MTBP: variants seen among roughly 807,000 people sequenced by gnomAD.
MTBP encodes MDM2 binding protein, also known as mdm2-binding protein.
MTBP carries 101 observed loss-of-function variants against 117.0 expected under a neutral mutation model. The ratio of observed to expected loss-of-function variants is 0.86; its 90% confidence interval spans 0.73 to 1.02. The LOEUF (loss-of-function observed/expected upper bound fraction) is 1.02, where lower values mean the gene tolerates loss of function less well. Ranked by LOEUF, MTBP falls within the 50% of genes least tolerant of loss-of-function variation. The pLI, the probability that MTBP is intolerant of heterozygous loss-of-function variation, is 0.00. For missense variants in MTBP, 970 were observed against 1,030.9 expected (o/e 0.94, Z 0.81); for synonymous variants, 350 against 351.5 (o/e 1.00, Z 0.05).
chr8:120,478,862 G>T (rs1814006045), intron 11 of MTBP, among the ~76,000 whole-genome samples: 1 of 152,064 alleles, frequency 6.6e-6, no homozygotes, highest in Non-Finnish European at 1.5e-5. Context: ...GGAATACTAT[G>T]CAGCCATAAA....
chr8:120,491,310 G>T (rs1466647108), intron 13 of MTBP, among the ~76,000 whole-genome samples: 1 of 151,906 alleles, frequency 6.6e-6, no homozygotes, highest in Non-Finnish European at 1.5e-5. Context: ...CTTTAAAAAC[G>T]TATTTAAAAA....
chr8:120,515,929 T>C lies in MTBP; in HGVS notation c.1984T>C (p.Cys662Arg). 2.5e-6 allele frequency: 4 copies of C among 1,611,884 alleles called. No individual in the cohort carries two copies. Among genetic ancestry groups the C allele is most frequent in the Non-Finnish European group, 3.4e-6 (4 of 1,178,686 alleles). Residue 662 changes from cysteine to arginine, a missense_variant, in exon 18 of 22, where the codon TGC (cysteine) becomes CGC (arginine). Transcript: ENST00000305949. Reference protein sequence around the residue: ...SVCHYHGIEYCLDDRKALERD... With the variant: ...SVCHYHGIEYRLDDRKALERD... ...ATGCTCTTTCACTCATTTTAGATAT[T>C]GCTTGGATGACCGAAAAGCTTTGGA...
At chr8:120,475,715 C>CA (rs944673437) in intron 11 of MTBP, among the ~76,000 whole-genome samples, 87 of 151,642 alleles carry the variant, frequency 5.7e-4, no homozygotes, top group Admixed American at 1.6e-3. Context: ...AAGCACTGTA[C>CA]AAAAAAATGA....
At chr8:120,466,197 A>G (rs1454836190) in intron 10 of MTBP, among the ~76,000 whole-genome samples, 1 of 140,866 alleles carries the variant, frequency 7.1e-6, no homozygotes, top group Non-Finnish European at 1.5e-5. Context: ...TTGAGTTATG[A>G]TTTGTTTTTT....
At chr8:120,476,433 GGGT>G (rs200677291) in intron 11 of MTBP, among the ~76,000 whole-genome samples, 10,758 of 152,048 alleles carry the variant, frequency 0.071, 542 homozygotes, top group Non-Finnish European at 0.11. Context: ...AAGAAATAAA[GGGT>G]ATTCAGATAG....
intron 15 of MTBP, 139 bp from the exon 16 acceptor site, chr8:120,506,567 T>TTC (rs1363766649): frequency 7.4e-6 from 4 of 539,918 alleles, no homozygotes; most frequent in Non-Finnish European, 1.3e-5. Context: ...AAATGTTTAA[T>TTC]TCTCCCATGT....
chr8:120,518,487 C>G (rs1814958907), intron 19 of MTBP, among the ~76,000 whole-genome samples: 1 of 151,954 alleles, frequency 6.6e-6, no homozygotes, highest in Non-Finnish European at 1.5e-5. Context: ...TTTCTTAAGA[C>G]ACTGTAGTCA....
chr8:120,493,008 A>G (rs912611922), intron 13 of MTBP, among the ~76,000 whole-genome samples: 3 of 152,338 alleles, frequency 2.0e-5, no homozygotes, highest in Middle Eastern at 3.4e-3. Context: ...CAAGATAAGT[A>G]TGAAAACAGC....
At chr8:120,508,384 A>C (rs1814735426) in intron 16 of MTBP, among the ~76,000 whole-genome samples, 1 of 152,198 alleles carries the variant, frequency 6.6e-6, no homozygotes, top group Non-Finnish European at 1.5e-5. Context: ...TGATATGAGA[A>C]ATGAGAGACA....
intron 17 of MTBP, among the ~76,000 whole-genome samples, chr8:120,512,181 T>C (rs1435505498): frequency 1.3e-5 from 2 of 152,176 alleles, no homozygotes; most frequent in Admixed American, 6.5e-5. Context: ...ATTATTATTA[T>C]GAAAAGTAGC....
chr8:120,501,238 T>C (rs944280363), intron 14 of MTBP, among the ~76,000 whole-genome samples: 30 of 147,268 alleles, frequency 2.0e-4, no homozygotes, highest in Non-Finnish European at 1.8e-4. Flanking sequence ...GGCGGGCACC[T>C]GTAGTCCCAG....
At chr8:120,464,914 G>C (rs956194091) in intron 10 of MTBP, among the ~76,000 whole-genome samples, 2 of 151,802 alleles carry the variant, frequency 1.3e-5, no homozygotes, top group Non-Finnish European at 2.9e-5. Flanking sequence ...TGTATTTGTG[G>C]AACTTACATT....
Position 120,451,083 on chromosome 8 carries a change from T to G in MTBP, c.273+7T>G, listed in dbSNP as rs577547817. 3.8e-5 allele frequency: 61 copies of G among 1,605,358 alleles called. No individual in the cohort carries two copies. The African/African-American group carries it at 7.2e-4, about 19-fold the overall frequency. On this transcript the variant is annotated splice_region_variant and intron_variant, in intron 3 of 21. Coordinates refer to ENST00000305949, the MANE Select transcript of MTBP (RefSeq NM_022045.5). ...AATATATGGATTTTATCAGGTAATA[T>G]AAATTTAAAGATAGCTACTAATGAA... is the stretch of plus-strand genomic sequence containing the variant.
chr8:120,523,235 T>A (rs925159704), intron 21 of MTBP, 63 bp from the exon 22 acceptor site: 2 of 1,104,302 alleles, frequency 1.8e-6, no homozygotes, highest in African/African-American at 3.2e-5. Flanking sequence ...TTTTACAATA[T>A]ATTTTTCTAT....
intron 20 of MTBP, among the ~76,000 whole-genome samples, chr8:120,519,273 T>C (rs1384431504): frequency 1.3e-5 from 2 of 151,654 alleles, no homozygotes; most frequent in Admixed American, 1.3e-4. Flanking sequence ...TATATGCAAA[T>C]ACTACACCAT....
chr8:120,456,704 C>T, intron 7 of MTBP, 34 bp downstream of exon 7: 1 of 1,079,300 alleles, frequency 9.3e-7, no homozygotes, highest in Admixed American at 2.0e-5. Flanking sequence ...CCAAGTAGGC[C>T]TTTCAATTTT....
intron 5 of MTBP, among the ~76,000 whole-genome samples, chr8:120,454,681 A>T (rs1028162304): frequency 6.6e-6 from 1 of 152,102 alleles, no homozygotes; most frequent in Non-Finnish European, 1.5e-5. Context: ...ATCATATATT[A>T]GTACAAAAAG....
At position 120,445,500 on chromosome 8, in the gene MTBP, G is replaced by A. The variant is rs549063225; in HGVS notation, c.30G>A (p.Trp10Ter). The change falls in exon 1 of 22, where the codon TGG becomes TGA. Residue 10 changes from tryptophan (W) to a stop codon, truncating the protein, a stop_gained. Coordinates refer to ENST00000305949, the MANE Select transcript of MTBP (RefSeq NM_022045.5). LOFTEE classifies it high-confidence loss of function. ...ATCGGTACCTGCTGCTGGTGATCTG[G>A]GGGGAAGGAAAATTCCCGTCGGCGG... MDRYLLLVI[W>*]GEGKFPSAAS... 2 of 1,613,558 alleles carry A rather than the reference G, an allele frequency of 1.2e-6. No homozygotes were observed. The highest frequency in any genetic ancestry group is 1.7e-4 in the Middle Eastern group (1 of 6,056).
In MTBP at chr8:120,490,542, T is replaced by C. The variant is rs1444817634; in HGVS notation, c.1419T>C (p.Val473=). ...IVQREKQLAN[V]QVLALEECLK... Reference sequence around the variant, plus strand: ...AGAGAGAGAAACAGTTAGCTAATGTTCAAGTTTTAGCTTTGGAAGAATGCC... The same window carrying C: ...AGAGAGAGAAACAGTTAGCTAATGTCCAAGTTTTAGCTTTGGAAGAATGCC... Residue 473 remains valine (V), a synonymous_variant, in exon 13 of 22, where the codon GTT becomes GTC. Coordinates refer to ENST00000305949, the MANE Select transcript of MTBP (RefSeq NM_022045.5). 6.2e-7 allele frequency: 1 copy of C among 1,607,094 alleles called. No individual in the cohort carries two copies. The highest frequency in any genetic ancestry group is 1.1e-5 in the South Asian group (1 of 88,936).
Sources: gnomAD v4.1 joint callset for allele counts (sites outside exome capture counted in the v4.1 genomes callset) on GRCh38, gnomAD v4.1.1 for gene constraint, MANE v1.5 for transcripts, NCBI Gene and HGNC (gene_info 2026-07-23, HGNC 2026-07-21) for gene names.